Variants in GNA14 observed in about 807,000 individuals in gnomAD.
GNA14 encodes the protein guanine nucleotide-binding protein subunit alpha-14.
GNA14 carries 50 observed loss-of-function variants against 42.0 expected under a neutral mutation model. The ratio of observed to expected loss-of-function variants is 1.19; its 90% CI spans 0.95 to 1.51. The LOEUF (loss-of-function observed/expected upper bound fraction) is 1.51, where lower values mean the gene tolerates loss of function less well. Among genes scored for constraint, GNA14 ranks in the 40% most tolerant of loss-of-function variants. The pLI is 0.00. For synonymous variants in GNA14, 173 were observed against 163.1 expected (o/e 1.06, Z -0.46); for missense variants, 473 against 446.2 (o/e 1.06, Z -0.54).
chr9:77,544,382 T>C (rs1837694634), intron 1 of GNA14, among the ~76,000 whole-genome samples: 1 of 152,166 alleles, frequency 6.6e-6, no homozygotes, highest in Non-Finnish European at 1.5e-5. Context: ...GTGATTCTCT[T>C]AGAAGTACAA....
At chr9:77,429,065 AG>A (rs1223608778) in intron 4 of GNA14, 29 bp from the exon 5 acceptor site, 1 of 1,612,260 alleles carries the variant, frequency 6.2e-7, no homozygotes. Context: ...GATCCTTCAA[AG>A]GTTGGAATAC....
intron 1 of GNA14, among the ~76,000 whole-genome samples, chr9:77,544,545 A>T (rs1837696430): frequency 6.6e-6 from 1 of 152,046 alleles, no homozygotes; most frequent in Non-Finnish European, 1.5e-5. Context: ...TCTACTAAAA[A>T]TACAAAAATT....
At chr9:77,621,970 G>T (rs896090640) in intron 1 of GNA14, among the ~76,000 whole-genome samples, 1 of 151,988 alleles carries the variant, frequency 6.6e-6, no homozygotes, top group Non-Finnish European at 1.5e-5. Context: ...CTGTTGCCCA[G>T]GCTGGAGTGC....
rs765543570 is a variant in GNA14 at position 77,434,393 on chromosome 9, A to T, written c.439T>A (p.Tyr147Asn). The T allele has an allele frequency of 2.5e-6, 4 of 1,613,568 alleles. No homozygotes were observed. The highest frequency in any genetic ancestry group is 2.2e-5 in the East Asian group (1 of 44,844). ...IQECYDRRRE[Y>N]QLSDSAKYYL... is the part of the protein sequence containing the mutation. ...TATTTGGCAGAGTCCGACAGCTGGT[A>T]CTCCCTCCTCCTGTCGTAACACTCC... The change falls in exon 3 of 7, where the codon TAC (tyrosine) becomes AAC (asparagine). Residue 147 changes from tyrosine to asparagine, a missense_variant. By Grantham distance (143) the Tyr-to-Asn change is moderately radical. Transcript: ENST00000341700.
chr9:77,474,939 G>A (rs1836392997), intron 2 of GNA14, among the ~76,000 whole-genome samples: 1 of 151,940 alleles, frequency 6.6e-6, no homozygotes, highest in Non-Finnish European at 1.5e-5. Context: ...GAAATGTCCA[G>A]AATGGTCAAA....
intron 1 of GNA14, among the ~76,000 whole-genome samples, chr9:77,590,680 C>T (rs890718159): frequency 6.7e-6 from 1 of 148,946 alleles, no homozygotes; most frequent in Non-Finnish European, 1.5e-5. Flanking sequence ...ACTCATGGGA[C>T]AAACAAAGGT....
At chr9:77,569,745 GA>G (rs769241471) in intron 1 of GNA14, among the ~76,000 whole-genome samples, 1 of 151,948 alleles carries the variant, frequency 6.6e-6, no homozygotes, top group Non-Finnish European at 1.5e-5. Context: ...GGGTAGTAGG[GA>G]TATGTTTTTC....
intron 2 of GNA14, among the ~76,000 whole-genome samples, chr9:77,479,162 C>T (rs1281878013): frequency 1.3e-5 from 2 of 151,632 alleles, no homozygotes; most frequent in Non-Finnish European, 2.9e-5. Context: ...TTAGGTCTAA[C>T]ATTTAAGTCT....
chr9:77,561,827 T>G (rs1289969719), intron 1 of GNA14, among the ~76,000 whole-genome samples: 1 of 152,246 alleles, frequency 6.6e-6, no homozygotes, highest in Non-Finnish European at 1.5e-5. Flanking sequence ...GATGACATTT[T>G]CCTTCAGCTG....
At chr9:77,521,662 C>T (rs1023991365) in intron 2 of GNA14, among the ~76,000 whole-genome samples, 2 of 152,068 alleles carry the variant, frequency 1.3e-5, no homozygotes, top group African/African-American at 4.8e-5. Flanking sequence ...CTCCTATGAT[C>T]CCGCCCCCAA....
intron 1 of GNA14, among the ~76,000 whole-genome samples, chr9:77,594,490 C>A (rs907284147): frequency 2.0e-5 from 3 of 152,130 alleles, no homozygotes; most frequent in African/African-American, 7.2e-5. Context: ...AGTTTTACAC[C>A]CAAAGTGTCA....
At chr9:77,442,721 G>C (rs1283206732) in intron 2 of GNA14, among the ~76,000 whole-genome samples, 1 of 152,200 alleles carries the variant, frequency 6.6e-6, no homozygotes, top group African/African-American at 2.4e-5. Flanking sequence ...AGAAGAAAAG[G>C]AAACTCCCTT....
intron 1 of GNA14, among the ~76,000 whole-genome samples, chr9:77,645,877 C>T (rs1824343378): frequency 6.6e-6 from 1 of 152,116 alleles, no homozygotes. Flanking sequence ...TCAGCCTGCC[C>T]TTATAAAGAA....
chr9:77,585,675 T>C (rs1358015671), intron 1 of GNA14, among the ~76,000 whole-genome samples: 1 of 152,154 alleles, frequency 6.6e-6, no homozygotes, highest in Non-Finnish European at 1.5e-5. Flanking sequence ...TCACCTAAAG[T>C]GTGGTATGAC....
chr9:77,578,051 A>G (rs1587836344), intron 1 of GNA14, among the ~76,000 whole-genome samples: 1 of 151,630 alleles, frequency 6.6e-6, no homozygotes, highest in South Asian at 2.1e-4. Context: ...GCAGATCACG[A>G]GGTCAAGAGA....
At position 77,452,596 on chromosome 9, in the gene GNA14, G is replaced by GT. The variant is rs1564018331; in HGVS notation, c.310-18075_310-18074insA. On this transcript the variant is annotated intron_variant, in intron 2 of 6. Transcript: ENST00000341700. ...TATGTGCATGTGTATGTGTGTGTGT[G>GT]GTGTGTATGTGTATGTGTGTGTATG... 7.7e-3 allele frequency among the ~76,000 whole-genome samples: 14 copies of GT among 1,828 alleles called. 1 individual carries two copies. Among genetic ancestry groups the GT allele is most frequent in the South Asian group, 0.031 (1 of 32 alleles). The allele number at this position is 1,828 out of a possible 152,430, so 1.2% of individuals were successfully genotyped here.
chr9:77,597,516 T>C (rs1823485660), intron 1 of GNA14, among the ~76,000 whole-genome samples: 1 of 152,076 alleles, frequency 6.6e-6, no homozygotes, highest in African/African-American at 2.4e-5. Flanking sequence ...CCAATTCAAA[T>C]GATTCTTTTT....
intron 2 of GNA14, among the ~76,000 whole-genome samples, chr9:77,464,105 A>G (rs1288586679): frequency 3.9e-5 from 6 of 152,160 alleles, no homozygotes; most frequent in African/African-American, 1.4e-4. Flanking sequence ...GGCTCAAGTC[A>G]TTGCCCTACC....
At chr9:77,459,701 T>C (rs1003979963) in intron 2 of GNA14, among the ~76,000 whole-genome samples, 6 of 152,278 alleles carry the variant, frequency 3.9e-5, no homozygotes, top group Middle Eastern at 3.4e-3. Context: ...CCTCAACAAT[T>C]TCATTTTTTA....
Sources: gnomAD v4.1 joint callset for allele counts (sites outside exome capture counted in the v4.1 genomes callset) on GRCh38, gnomAD v4.1.1 for gene constraint, MANE v1.5 for transcripts, NCBI Gene and HGNC (gene_info 2026-07-23, HGNC 2026-07-21) for gene names.